UBE2G1: variants seen among roughly 807,000 people sequenced by gnomAD.
UBE2G1 encodes the protein ubiquitin-conjugating enzyme E2 G1.
UBE2G1 carries 5 observed loss-of-function variants against 22.7 expected under a neutral mutation model. The observed-to-expected ratio is 0.22, with a 90% CI of 0.12 to 0.46. UBE2G1 has a LOEUF of 0.46. Among genes scored for constraint, UBE2G1 ranks in the 20% least tolerant of loss-of-function variants. UBE2G1 has a pLI of 0.99. For synonymous variants in UBE2G1, 74 were observed against 67.5 expected, an observed-to-expected ratio of 1.10 and a Z score of -0.47; for missense variants, 88 against 203.9, an observed-to-expected ratio of 0.43 and a Z score of 3.46.
In UBE2G1 at chr17:4,356,867, G is replaced by A. The variant is rs117123010; in HGVS notation, c.46+9404C>T. On this transcript the variant is annotated intron_variant, in intron 1 of 5. Coordinates refer to ENST00000396981, the MANE Select transcript of UBE2G1 (RefSeq NM_003342.5). Reference sequence around the variant, plus strand: ...TATTTGAAAAAGGATTGATAATAATGCATGGTTACAGGTGACTTTTTTTAA... The same window carrying A: ...TATTTGAAAAAGGATTGATAATAATACATGGTTACAGGTGACTTTTTTTAA... Among the ~76,000 whole-genome samples the A allele has an allele frequency of 2.6e-3, 392 of 152,228 alleles. 3 individuals are homozygous for A. In the East Asian group the frequency reaches 0.028, roughly 11 times the overall value.
intron 1 of UBE2G1, among the ~76,000 whole-genome samples, chr17:4,357,509 G>T (rs1969920557): frequency 2.3e-5 from 1 of 43,772 alleles, no homozygotes; most frequent in African/African-American, 1.0e-4. Flanking sequence ...GTGTGTGTGT[G>T]GGGGGGGGGG....
At chr17:4,361,806 G>A (rs999983789) in intron 1 of UBE2G1, among the ~76,000 whole-genome samples, 9 of 151,806 alleles carry the variant, frequency 5.9e-5, no homozygotes, top group African/African-American at 1.9e-4. Context: ...CCTGGGCATC[G>A]TGGCACACAC....
chr17:4,341,323 A>T (rs1969709716), intron 1 of UBE2G1, among the ~76,000 whole-genome samples: 1 of 152,182 alleles, frequency 6.6e-6, no homozygotes. Context: ...TTTTACCCAG[A>T]CATATCGTCT....
At chr17:4,313,444 G>C (rs1420907876) in intron 1 of UBE2G1, among the ~76,000 whole-genome samples, 1 of 152,172 alleles carries the variant, frequency 6.6e-6, no homozygotes, top group Non-Finnish European at 1.5e-5. Flanking sequence ...TAGGAGTTTT[G>C]AGAATGCCAA....
At position 4,269,796 on chromosome 17, in the gene UBE2G1, A is replaced by G. The variant is rs1033568212; in HGVS notation, c.*2758T>C. The G allele has an allele frequency of 5.4e-6, 1 of 185,146 alleles. No individual in the cohort carries two copies. The highest frequency in any genetic ancestry group is 2.4e-5 in the African/African-American group (1 of 41,572). The allele number at this position is 185,146 out of a possible 1,614,324, so 11.5% of individuals were successfully genotyped here. On this transcript the variant is annotated 3_prime_UTR_variant, in exon 6 of 6. Coordinates refer to ENST00000396981, the MANE Select transcript of UBE2G1 (RefSeq NM_003342.5). ...ACAGCCAACAGTTCTACAATCCATA[A>G]GATCTATGGAGATGTTGTTGATGGT...
chr17:4,347,531 G>T (rs1969793300), intron 1 of UBE2G1, among the ~76,000 whole-genome samples: 1 of 137,482 alleles, frequency 7.3e-6, no homozygotes, highest in Admixed American at 7.9e-5. Context: ...CTGGAGTGCA[G>T]TGGCACAATC....
rs534134642 is a variant in UBE2G1 at position 4,358,162 on chromosome 17, A to T, written c.46+8109T>A. Among the ~76,000 whole-genome samples the T allele has an allele frequency of 2.0e-5, 3 of 152,328 alleles. No individual in the cohort carries two copies. In the East Asian group the frequency reaches 5.8e-4, roughly 29 times the overall value. On this transcript the variant is annotated intron_variant, in intron 1 of 5. Transcript: ENST00000396981. Reference sequence around the variant, plus strand: ...TCTAACAGGTAAGTAGTGATATCTTACGGTGATTTCAATTTGCATTTCCCT... The same window carrying T: ...TCTAACAGGTAAGTAGTGATATCTTTCGGTGATTTCAATTTGCATTTCCCT...
At chr17:4,286,120 G>T (rs1968960077) in intron 4 of UBE2G1, among the ~76,000 whole-genome samples, 1 of 152,020 alleles carries the variant, frequency 6.6e-6, no homozygotes, top group Non-Finnish European at 1.5e-5. Flanking sequence ...AGTAAGAATA[G>T]TAAACTGGGC....
At chr17:4,337,828 A>C (rs1969666953) in intron 1 of UBE2G1, among the ~76,000 whole-genome samples, 2 of 152,132 alleles carry the variant, frequency 1.3e-5, no homozygotes, top group African/African-American at 2.4e-5. Flanking sequence ...GAACAAGGGA[A>C]TTCAAAGTTA....
At chr17:4,342,669 G>A (rs542625552) in intron 1 of UBE2G1, among the ~76,000 whole-genome samples, 1 of 152,218 alleles carries the variant, frequency 6.6e-6, no homozygotes, top group East Asian at 1.9e-4. Flanking sequence ...CTTTGTTCTC[G>A]GCTCCAATAC....
chr17:4,285,714 G>A (rs566663969), intron 4 of UBE2G1, among the ~76,000 whole-genome samples: 84 of 152,206 alleles, frequency 5.5e-4, no homozygotes, highest in South Asian at 1.5e-3. Flanking sequence ...CACTTTGGGA[G>A]GCCGAGGCAG....
At chr17:4,294,759 A>C (rs1330712107) in intron 3 of UBE2G1, among the ~76,000 whole-genome samples, 1 of 152,102 alleles carries the variant, frequency 6.6e-6, no homozygotes, top group African/African-American at 2.4e-5. Flanking sequence ...TACAAAAAAA[A>C]ACAAAAATTA....
intron 4 of UBE2G1, among the ~76,000 whole-genome samples, chr17:4,284,829 CTTTTCTTTCTTTTTTTT>C (rs1968940968): frequency 4.7e-4 from 32 of 68,044 alleles, no homozygotes; most frequent in African/African-American, 1.3e-3. Context: ...CTTTTCTTTT[CTTTTCTTTCTTTTTTTT>C]TTTTTTTTTT....
At chr17:4,365,867 G>C (rs1970027909) in intron 1 of UBE2G1, among the ~76,000 whole-genome samples, 1 of 152,122 alleles carries the variant, frequency 6.6e-6, no homozygotes, top group Admixed American at 6.5e-5. Context: ...CAGCCGCACT[G>C]GGTCCGGACG....
Position 4,271,109 on chromosome 17 carries a change from T to C in UBE2G1, c.*1445A>G, listed in dbSNP as rs954302458. ...GGCCTGCCTTTAACACTGCACATGT[T>C]CATTTTACCATTTGCTGAAGTTGTT... On this transcript the variant is annotated 3_prime_UTR_variant, in exon 6 of 6. Coordinates refer to ENST00000396981, the MANE Select transcript of UBE2G1 (RefSeq NM_003342.5). The C allele has an allele frequency of 1.1e-4, 17 of 152,248 alleles. No individual in the cohort carries two copies. Among genetic ancestry groups the C allele is most frequent in the African/African-American group, 3.9e-4 (16 of 41,456 alleles). The allele number at this position is 152,248 out of a possible 1,614,324, so 9.4% of individuals were successfully genotyped here. A position where few individuals can be genotyped will look rare whatever the true frequency, so the allele number is the denominator to read the frequency against.
At chr17:4,323,167 T>A (rs1480288509) in intron 1 of UBE2G1, among the ~76,000 whole-genome samples, 1 of 152,218 alleles carries the variant, frequency 6.6e-6, no homozygotes, top group East Asian at 1.9e-4. Flanking sequence ...TCTTAAAGAA[T>A]GCCATCTTGT....
intron 5 of UBE2G1, among the ~76,000 whole-genome samples, chr17:4,278,774 T>TG (rs1968850082): frequency 6.6e-6 from 1 of 152,220 alleles, no homozygotes; most frequent in Non-Finnish European, 1.5e-5. Context: ...ATGGTATATC[T>TG]GGTAGTAAAG....
chr17:4,321,037 G>A (rs889183950), intron 1 of UBE2G1, among the ~76,000 whole-genome samples: 1 of 152,136 alleles, frequency 6.6e-6, no homozygotes, highest in Non-Finnish European at 1.5e-5. Flanking sequence ...AGCCCCAACT[G>A]TTCTGGGGGA....
At chr17:4,299,833 T>G (rs1488045321) in intron 2 of UBE2G1, among the ~76,000 whole-genome samples, 2 of 150,850 alleles carry the variant, frequency 1.3e-5, no homozygotes, top group Admixed American at 6.6e-5. Context: ...TTTAGTTTTT[T>G]TTTTTTTTTT....
Sources: gnomAD v4.1 joint callset for allele counts (sites outside exome capture counted in the v4.1 genomes callset) on GRCh38, gnomAD v4.1.1 for gene constraint, MANE v1.5 for transcripts, NCBI Gene and HGNC (gene_info 2026-07-23, HGNC 2026-07-21) for gene names.